Variants in IFT88 observed in about 807,000 individuals in gnomAD.
IFT88 encodes intraflagellar transport protein 88 homolog.
Under a neutral mutation model 119.5 loss-of-function variants are expected in IFT88, and 74 were observed. That is an observed-to-expected ratio of 0.62 (90% CI 0.51 to 0.75). The LOEUF is 0.75. Ranked by LOEUF, IFT88 falls within the 30% of genes least tolerant of loss-of-function variation. IFT88 has a pLI of 0.00. For missense variants in IFT88, 961 were observed against 977.7 expected, an observed-to-expected ratio of 0.98 and a Z score of 0.23; for synonymous variants, 279 against 316.7, an observed-to-expected ratio of 0.88 and a Z score of 1.26.
intron 3 of IFT88, among the ~76,000 whole-genome samples, chr13:20,584,559 A>C (rs976875816): frequency 2.0e-5 from 3 of 152,100 alleles, no homozygotes; most frequent in African/African-American, 7.2e-5. Context: ...ATACTCAATT[A>C]ATTTTCTACG....
At chr13:20,655,455 C>CA (rs113356300) in intron 21 of IFT88, among the ~76,000 whole-genome samples, 7 of 145,460 alleles carry the variant, frequency 4.8e-5, no homozygotes, top group South Asian at 2.3e-4. Flanking sequence ...AAAAAAAAAA[C>CA]AAAAAAAACC....
intron 2 of IFT88, among the ~76,000 whole-genome samples, chr13:20,576,279 C>G (rs187752100): frequency 3.0e-4 from 46 of 152,268 alleles, no homozygotes; most frequent in Admixed American, 7.2e-4. Flanking sequence ...AATCCCTTGT[C>G]AGAGGGATAG....
chr13:20,630,593 C>G (rs1007807853), intron 15 of IFT88, among the ~76,000 whole-genome samples: 1 of 151,976 alleles, frequency 6.6e-6, no homozygotes, highest in African/African-American at 2.4e-5. Flanking sequence ...TAGAGAGAGT[C>G]TCACGCCTAT....
chr13:20,657,041 T>C (rs2140645342), intron 22 of IFT88, among the ~76,000 whole-genome samples: 1 of 152,280 alleles, frequency 6.6e-6, no homozygotes, highest in South Asian at 2.1e-4. Flanking sequence ...GTATTTTTAG[T>C]AGAGACGGGT....
At chr13:20,601,342 AGCAAC>A (rs2042563363) in intron 11 of IFT88, among the ~76,000 whole-genome samples, 1 of 137,466 alleles carries the variant, frequency 7.3e-6, no homozygotes, top group South Asian at 2.6e-4. Context: ...TTCCAGCCTG[AGCAAC>A]AGAGAGAGAC....
chr13:20,681,950 T>G (rs1054848213), intron 24 of IFT88, among the ~76,000 whole-genome samples: 6 of 152,250 alleles, frequency 3.9e-5, no homozygotes, highest in African/African-American at 7.2e-5. Context: ...TGGTTTAGAT[T>G]TAGTTATTCC....
At chr13:20,628,940 T>C (rs2047764596) in intron 15 of IFT88, among the ~76,000 whole-genome samples, 1 of 152,150 alleles carries the variant, frequency 6.6e-6, no homozygotes, top group Non-Finnish European at 1.5e-5. Flanking sequence ...CACATTTCCT[T>C]GACTATAATG....
chr13:20,584,234 A>G (rs994737276), intron 3 of IFT88, among the ~76,000 whole-genome samples: 3 of 151,940 alleles, frequency 2.0e-5, no homozygotes, highest in African/African-American at 7.3e-5. Flanking sequence ...TGGACATCTT[A>G]ACAATATTAA....
intron 16 of IFT88, among the ~76,000 whole-genome samples, chr13:20,634,639 A>T (rs1163604267): frequency 6.6e-6 from 1 of 151,932 alleles, no homozygotes; most frequent in East Asian, 1.9e-4. Context: ...AGGCATGAGA[A>T]TTGCTTGAAC....
chr13:20,665,118 C>T (rs531069123), intron 23 of IFT88, among the ~76,000 whole-genome samples: 121 of 151,884 alleles, frequency 8.0e-4, no homozygotes, highest in African/African-American at 2.8e-3. Context: ...ATTTTCATTG[C>T]TAGTCTAAAG....
intron 15 of IFT88, among the ~76,000 whole-genome samples, chr13:20,629,414 A>G (rs1376895116): frequency 6.6e-6 from 1 of 152,236 alleles, no homozygotes; most frequent in Non-Finnish European, 1.5e-5. Flanking sequence ...AAATGATAGA[A>G]TCTTGAAAGT....
intron 18 of IFT88, 55 bp from the exon 19 acceptor site, chr13:20,643,400 G>T (rs2050259342): frequency 7.4e-7 from 1 of 1,356,268 alleles, no homozygotes; most frequent in Admixed American, 2.1e-5. Context: ...TTTTAAGTTT[G>T]CTTATTGCTT....
chr13:20,616,999 A>G (rs2045732285), intron 14 of IFT88, among the ~76,000 whole-genome samples: 1 of 151,874 alleles, frequency 6.6e-6, no homozygotes, highest in African/African-American at 2.4e-5. Context: ...GCTGGAGTGC[A>G]GTGGCGCAAT....
chr13:20,599,542 T>A lies in IFT88; in HGVS notation c.789T>A (p.Val263=). 6.5e-7 allele frequency: 1 copy of A among 1,528,452 alleles called. No individual in the cohort carries two copies. Among genetic ancestry groups the A allele is most frequent in the Non-Finnish European group, 9.0e-7 (1 of 1,114,842 alleles). 94.7% of individuals were successfully genotyped at this position (1,528,452 alleles called of 1,614,324 possible). Residue 263 remains valine, a synonymous_variant, in exon 11 of 26, where the codon GTT becomes GTA. Coordinates refer to ENST00000351808, the MANE Select transcript of IFT88 (RefSeq NM_006531.5). Reference sequence around the variant, plus strand: ...TCTACCGAATGGCATTAGACCAAGTTCCAAGTGTCAATAAGCAAATGAGGT... The same window carrying A: ...TCTACCGAATGGCATTAGACCAAGTACCAAGTGTCAATAAGCAAATGAGGT... ...IKFYRMALDQ[V]PSVNKQMRIK...
At chr13:20,614,817 C>T (rs116671939) in intron 13 of IFT88, among the ~76,000 whole-genome samples, 25 of 125,834 alleles carry the variant, frequency 2.0e-4, no homozygotes, top group Middle Eastern at 5.1e-3. Flanking sequence ...TATTTCTTTT[C>T]TTTTTTTTTT....
At chr13:20,627,069 T>C (rs549558113) in intron 15 of IFT88, among the ~76,000 whole-genome samples, 11 of 152,322 alleles carry the variant, frequency 7.2e-5, no homozygotes, top group East Asian at 3.9e-4. Flanking sequence ...GCAACCCCAG[T>C]GTTCACGAAA....
chr13:20,675,321 C>T (rs1215001416), intron 24 of IFT88, among the ~76,000 whole-genome samples: 1 of 152,204 alleles, frequency 6.6e-6, no homozygotes, highest in Non-Finnish European at 1.5e-5. Flanking sequence ...TCAGTCCCAA[C>T]TTGCATGTCC....
chr13:20,681,091 A>G (rs979756388), intron 24 of IFT88, among the ~76,000 whole-genome samples: 1 of 152,222 alleles, frequency 6.6e-6, no homozygotes, highest in Non-Finnish European at 1.5e-5. Context: ...TCGTTCCACA[A>G]TGGCTTGTCC....
intron 11 of IFT88, among the ~76,000 whole-genome samples, chr13:20,601,234 C>T (rs1337242208): frequency 6.6e-6 from 1 of 152,088 alleles, no homozygotes; most frequent in Non-Finnish European, 1.5e-5. Flanking sequence ...GGCGTGGTGG[C>T]ATGTGCCTAT....
Sources: allele counts gnomAD v4.1 joint callset (sites outside exome capture counted in the v4.1 genomes callset), GRCh38; gene constraint gnomAD v4.1.1; transcripts MANE v1.5; gene names NCBI Gene and HGNC (gene_info 2026-07-23, HGNC 2026-07-21).